NDUFS4: variants seen among roughly 807,000 people sequenced by gnomAD.
NDUFS4 encodes the protein NADH:ubiquinone oxidoreductase subunit S4.
In NDUFS4, 28 loss-of-function variants were observed where a neutral mutation model predicts 24.3. The observed-to-expected ratio is 1.15, with a 90% CI of 0.85 to 1.58. NDUFS4 has a LOEUF of 1.58. NDUFS4 is among the 40% of genes most tolerant of loss of function. The pLI is 0.00. For missense variants in NDUFS4, 223 were observed against 207.9 expected (o/e 1.07, Z -0.45); for synonymous variants, 93 against 69.7 (o/e 1.34, Z -1.67).
At chr5:53,652,472 A>AGG (rs1356964197) in intron 3 of NDUFS4, among the ~76,000 whole-genome samples, 2 of 152,122 alleles carry the variant, frequency 1.3e-5, no homozygotes, top group Non-Finnish European at 2.9e-5. Context: ...GTGGGGATTG[A>AGG]GGGGAAGGAT....
At chr5:53,636,699 A>G (rs928018878) in intron 2 of NDUFS4, among the ~76,000 whole-genome samples, 5 of 152,124 alleles carry the variant, frequency 3.3e-5, no homozygotes, top group African/African-American at 1.2e-4. Context: ...TTGGAGGTGG[A>G]GCCTGTTGGG....
At chr5:53,671,178 T>C (rs1387841117) in intron 4 of NDUFS4, among the ~76,000 whole-genome samples, 3 of 152,082 alleles carry the variant, frequency 2.0e-5, no homozygotes, top group Non-Finnish European at 2.9e-5. Context: ...AATAAGGTAT[T>C]ATGCAGGCTC....
chr5:53,682,287 T>C (rs1740692324), intron 4 of NDUFS4, among the ~76,000 whole-genome samples: 1 of 152,132 alleles, frequency 6.6e-6, no homozygotes, highest in Non-Finnish European at 1.5e-5. Flanking sequence ...ATACCCAGTT[T>C]TCAGAATTAC....
At chr5:53,676,767 CAT>C (rs1236843389) in intron 4 of NDUFS4, among the ~76,000 whole-genome samples, 2 of 152,314 alleles carry the variant, frequency 1.3e-5, no homozygotes, top group African/African-American at 2.4e-5. Flanking sequence ...ACATTCTCCA[CAT>C]GTCACAAATG....
At chr5:53,676,964 C>T (rs556972805) in intron 4 of NDUFS4, among the ~76,000 whole-genome samples, 1 of 152,198 alleles carries the variant, frequency 6.6e-6, no homozygotes, top group East Asian at 1.9e-4. Flanking sequence ...GGCTTACTGA[C>T]GTTCCTGGTA....
intron 1 of NDUFS4, among the ~76,000 whole-genome samples, chr5:53,602,001 C>T (rs116727451): frequency 0.014 from 2,115 of 152,190 alleles, 23 homozygotes; most frequent in Middle Eastern, 0.051. Context: ...ATGTAGGGTT[C>T]AGTTCTATTA....
At chr5:53,580,210 C>T (rs1749515715) in intron 1 of NDUFS4, among the ~76,000 whole-genome samples, 1 of 152,190 alleles carries the variant, frequency 6.6e-6, no homozygotes, top group South Asian at 2.1e-4. Context: ...ATCATATGTA[C>T]TTTTCACTTA....
chr5:53,612,309 A>G (rs1465432977), intron 2 of NDUFS4, among the ~76,000 whole-genome samples: 4 of 152,032 alleles, frequency 2.6e-5, no homozygotes, highest in African/African-American at 9.7e-5. Flanking sequence ...AAAACTATTA[A>G]GCACCACCTG....
intron 2 of NDUFS4, among the ~76,000 whole-genome samples, chr5:53,616,444 G>C (rs1201904498): frequency 6.6e-6 from 1 of 152,118 alleles, no homozygotes; most frequent in Non-Finnish European, 1.5e-5. Context: ...AAGTAGGGCA[G>C]TCAACGAAAC....
intron 2 of NDUFS4, among the ~76,000 whole-genome samples, chr5:53,626,955 C>T (rs1016619317): frequency 6.6e-6 from 1 of 152,120 alleles, no homozygotes; most frequent in Non-Finnish European, 1.5e-5. Context: ...GAAGTCTTTG[C>T]CCATGCCTGC....
chr5:53,569,815 C>T (rs371057183), intron 1 of NDUFS4, among the ~76,000 whole-genome samples: 10 of 152,202 alleles, frequency 6.6e-5, no homozygotes, highest in East Asian at 1.9e-4. Flanking sequence ...AATTTCCTGA[C>T]GCTTTACTAC....
chr5:53,666,128 C>T (rs1164331701), intron 4 of NDUFS4, among the ~76,000 whole-genome samples: 1 of 152,138 alleles, frequency 6.6e-6, no homozygotes, highest in Admixed American at 6.6e-5. Context: ...TAACATTACT[C>T]TCTTTGTGAA....
chr5:53,648,912 G>T (rs1239415521), intron 3 of NDUFS4, among the ~76,000 whole-genome samples: 3 of 152,132 alleles, frequency 2.0e-5, no homozygotes, highest in African/African-American at 7.2e-5. Context: ...GTACAAGGGT[G>T]GTTGTGGTAG....
chr5:53,618,283 ATAAAT>A lies in NDUFS4; in HGVS notation c.177+14754_177+14758del, dbSNP rs910295713. Among the ~76,000 whole-genome samples, 55 of 152,244 alleles carry A rather than the reference ATAAAT, an allele frequency of 3.6e-4. 1 individual carries two copies. The highest frequency in any genetic ancestry group is 1.2e-3 in the African/African-American group (50 of 41,550). On this transcript the variant is annotated intron_variant, in intron 2 of 4. Transcript: ENST00000296684. ...GAGTGAGACCCTGTCTCCAAAATAA[ATAAAT>A]AAATAACGCATTATGTTCATTATTC...
chr5:53,670,801 G>GTTAC (rs1489645955), intron 4 of NDUFS4, among the ~76,000 whole-genome samples: 2 of 151,294 alleles, frequency 1.3e-5, no homozygotes, highest in Non-Finnish European at 3.0e-5. Context: ...AAACTCTTAT[G>GTTAC]TTACTTATAA....
intron 2 of NDUFS4, among the ~76,000 whole-genome samples, chr5:53,619,730 CAA>C (rs920828238): frequency 1.6e-4 from 25 of 151,990 alleles, no homozygotes; most frequent in Admixed American, 5.9e-4. Flanking sequence ...ATATGTAAGA[CAA>C]ATTGTTTTAC....
intron 4 of NDUFS4, among the ~76,000 whole-genome samples, chr5:53,672,006 CTA>C (rs1366655743): frequency 1.3e-5 from 2 of 152,002 alleles, no homozygotes; most frequent in Admixed American, 1.3e-4. Flanking sequence ...CATAGTGGGT[CTA>C]TTGGGGTGGA....
At chr5:53,593,525 A>G (rs529052967) in intron 1 of NDUFS4, among the ~76,000 whole-genome samples, 35 of 149,958 alleles carry the variant, frequency 2.3e-4, no homozygotes, top group African/African-American at 7.8e-4. Flanking sequence ...TTTCTTTACC[A>G]ATTTCCTATT....
At position 53,603,488 on chromosome 5, in the gene NDUFS4, C is replaced by G. The variant is rs773114153; in HGVS notation, c.135C>G (p.Asp45Glu). The G allele has an allele frequency of 3.7e-6, 6 of 1,613,856 alleles. No homozygotes were observed. Among genetic ancestry groups the G allele is most frequent in the African/African-American group, 1.3e-5 (1 of 74,962 alleles). Residue 45 changes from aspartate to glutamate, a missense_variant, in exon 2 of 5, where the codon GAC (aspartate) becomes GAG (glutamate). Asp to Glu is a conservative substitution (Grantham distance 45). Coordinates refer to ENST00000296684, the MANE Select transcript of NDUFS4 (RefSeq NM_002495.4). ...CTTCCACATGGAGATTGGCACAGGA[C>G]CAGACTCAAGACACACAACTCATAA... is the stretch of plus-strand genomic sequence containing the variant. ...LRTSTWRLAQ[D>E]QTQDTQLITV...
Sources: gnomAD v4.1 joint callset for allele counts (sites outside exome capture counted in the v4.1 genomes callset) on GRCh38, gnomAD v4.1.1 for gene constraint, MANE v1.5 for transcripts, NCBI Gene and HGNC (gene_info 2026-07-23, HGNC 2026-07-21) for gene names.